Variants in R3HDM2 observed in about 807,000 individuals in gnomAD.
The protein encoded by R3HDM2 is R3H domain containing 2.
In R3HDM2, 38 loss-of-function variants were observed where a neutral mutation model predicts 124.5. The ratio of observed to expected loss-of-function variants is 0.31; its 90% CI spans 0.24 to 0.40. R3HDM2 has a LOEUF of 0.40. R3HDM2 is among the 10% of genes least tolerant of loss of function. The pLI is 1.00. For synonymous variants in R3HDM2, 391 were observed against 448.0 expected, an observed-to-expected ratio of 0.87 and a Z score of 1.61; for missense variants, 869 against 1,236.9, an observed-to-expected ratio of 0.70 and a Z score of 4.46.
At chr12:57,427,500 C>T (rs545784449) in intron 1 of R3HDM2, among the ~76,000 whole-genome samples, 32 of 150,536 alleles carry the variant, frequency 2.1e-4, no homozygotes, top group South Asian at 1.1e-3. Context: ...CAGGCGTGTA[C>T]CACCACACCC....
chr12:57,280,210 A>T, intron 14 of R3HDM2, 148 bp downstream of exon 14: 1 of 905,028 alleles, frequency 1.1e-6, no homozygotes, highest in Non-Finnish European at 1.6e-6. Context: ...TTCTTTCCCT[A>T]CAACTAACAA....
intron 21 of R3HDM2, 131 bp from the exon 22 acceptor site, chr12:57,256,642 C>A: frequency 1.6e-6 from 1 of 638,034 alleles, no homozygotes; most frequent in East Asian, 3.0e-5. Context: ...AATGCCCATG[C>A]GACTGGTATA....
intron 2 of R3HDM2, among the ~76,000 whole-genome samples, chr12:57,383,059 T>C (rs1445149411): frequency 1.3e-5 from 2 of 151,866 alleles, no homozygotes; most frequent in African/African-American, 4.8e-5. Flanking sequence ...AATTTTTGTA[T>C]TTTTAGTAAA....
At chr12:57,364,137 CG>C (rs1349389414) in intron 2 of R3HDM2, among the ~76,000 whole-genome samples, 1 of 130,652 alleles carries the variant, frequency 7.7e-6, no homozygotes, top group African/African-American at 2.8e-5. Context: ...AGCACAGACT[CG>C]GTGTCTTTTT....
chr12:57,397,887 A>C (rs2067706839), intron 1 of R3HDM2, among the ~76,000 whole-genome samples: 4 of 152,346 alleles, frequency 2.6e-5, no homozygotes, highest in African/African-American at 7.2e-5. Context: ...TCATAATTAA[A>C]AGTGAAATAC....
chr12:57,297,402 T>G lies in R3HDM2; in HGVS notation c.501-15A>C. 1 of 1,495,604 alleles carries G rather than the reference T, an allele frequency of 6.7e-7. No homozygotes were observed. Among genetic ancestry groups the G allele is most frequent in the Non-Finnish European group, 9.1e-7 (1 of 1,103,188 alleles). 92.6% of individuals were successfully genotyped at this position (1,495,604 alleles called of 1,614,324 possible). On this transcript the variant is annotated splice_polypyrimidine_tract_variant and intron_variant, in intron 7 of 23. Transcript: ENST00000402412. ...TCATTCTGTCCCTGTTTAAAAAAGA[T>G]TAAAACAAAACAAAACAAAACAAAA...
intron 3 of R3HDM2, chr12:57,305,686 A>G: frequency 2.5e-6 from 1 of 398,978 alleles, no homozygotes; most frequent in Non-Finnish European, 4.4e-6. Context: ...ACAGACAGAC[A>G]ATTACAATAC....
Position 57,296,577 on chromosome 12 carries a change from G to A in R3HDM2, c.561-26C>T. 1 of 1,544,328 alleles carries A rather than the reference G, an allele frequency of 6.5e-7. No individual in the cohort carries two copies. Among genetic ancestry groups the A allele is most frequent in the Non-Finnish European group, 8.8e-7 (1 of 1,142,316 alleles). On this transcript the variant is annotated intron_variant, in intron 8 of 23. Transcript: ENST00000402412. The surrounding 1 kb of genome is among the most constrained non-coding windows in gnomAD (Gnocchi z 4.5). ...CTGAAGGGAAACCCGGGGAAAAAAA[G>A]TGAAATAAGACAAACAACTGCAATA...
At chr12:57,360,048 T>G (rs1350651775) in intron 2 of R3HDM2, among the ~76,000 whole-genome samples, 2 of 59,272 alleles carry the variant, frequency 3.4e-5, no homozygotes, top group African/African-American at 1.5e-4. Context: ...TATATATATA[T>G]TTTTTTTTTT....
At chr12:57,350,030 T>C (rs973690334) in intron 2 of R3HDM2, among the ~76,000 whole-genome samples, 4 of 151,990 alleles carry the variant, frequency 2.6e-5, no homozygotes, top group Admixed American at 6.6e-5. Flanking sequence ...CTGGCCATGG[T>C]GAAATCCCAT....
intron 1 of R3HDM2, among the ~76,000 whole-genome samples, chr12:57,430,089 T>A (rs1414427904): frequency 1.3e-5 from 2 of 152,220 alleles, no homozygotes; most frequent in Admixed American, 1.3e-4. Flanking sequence ...TGTTATTCGG[T>A]CATTTCTCAT....
rs182196642 is a variant in R3HDM2 at position 57,254,721 on chromosome 12, C to T, written c.*52G>A. 7.1e-7 allele frequency: 1 copy of T among 1,416,382 alleles called. No individual in the cohort carries two copies. The highest frequency in any genetic ancestry group is 1.4e-5 in the African/African-American group (1 of 69,582). 87.7% of individuals were successfully genotyped at this position (1,416,382 alleles called of 1,614,324 possible). A position where few individuals can be genotyped will look rare whatever the true frequency, so the allele number is the denominator to read the frequency against. On this transcript the variant is annotated 3_prime_UTR_variant, in exon 24 of 24. Transcript: ENST00000402412. Reference sequence around the variant, plus strand: ...CATGGTCTGTCAGGATCCTTCAACCCCCTCCACCCTGCCCTTGCTCCTTCT... The same window carrying T: ...CATGGTCTGTCAGGATCCTTCAACCTCCTCCACCCTGCCCTTGCTCCTTCT...
intron 2 of R3HDM2, among the ~76,000 whole-genome samples, chr12:57,378,481 G>A (rs1013202606): frequency 6.6e-6 from 1 of 152,054 alleles, no homozygotes; most frequent in Non-Finnish European, 1.5e-5. Context: ...AGGCTCAAGT[G>A]ATCCTCCCAC....
Position 57,389,810 on chromosome 12 carries a change from C to T in R3HDM2, c.-36+5939G>A, listed in dbSNP as rs984912830. Among the ~76,000 whole-genome samples the T allele has an allele frequency of 2.0e-5, 3 of 152,172 alleles. No homozygotes were observed. The South Asian group carries it at 6.2e-4, about 32-fold the overall frequency. On this transcript the variant is annotated intron_variant, in intron 2 of 23. Coordinates refer to ENST00000402412, the MANE Select transcript of R3HDM2 (RefSeq NM_001394031.1). ...AATTCAGCATTATATCCAAAAAGAA[C>T]CCTGAACAAGAAAGGATATATTATC...
intron 2 of R3HDM2, among the ~76,000 whole-genome samples, chr12:57,356,600 T>A (rs1248349658): frequency 6.6e-6 from 1 of 152,236 alleles, no homozygotes; most frequent in Non-Finnish European, 1.5e-5. Context: ...GCTCATAATA[T>A]GAGTTGGGAA....
At chr12:57,354,848 AGGGTCT>A (rs2061083085) in intron 2 of R3HDM2, among the ~76,000 whole-genome samples, 1 of 152,016 alleles carries the variant, frequency 6.6e-6, no homozygotes, top group South Asian at 2.1e-4. Context: ...TTTTCGAGAC[AGGGTCT>A]TGCTCTATTT....
intron 22 of R3HDM2, 144 bp downstream of exon 22, chr12:57,256,270 T>A (rs1412482736): frequency 1.1e-6 from 1 of 872,970 alleles, no homozygotes; most frequent in Non-Finnish European, 1.8e-6. Flanking sequence ...GTGGGAGACA[T>A]GAGTATAGGA....
intron 3 of R3HDM2, among the ~76,000 whole-genome samples, chr12:57,308,772 T>A (rs2053303251): frequency 1.3e-5 from 2 of 152,240 alleles, no homozygotes; most frequent in South Asian, 4.1e-4. Context: ...ACACCATTTA[T>A]AATTATCTCC....
At chr12:57,380,551 C>T (rs1317930513) in intron 2 of R3HDM2, among the ~76,000 whole-genome samples, 1 of 152,128 alleles carries the variant, frequency 6.6e-6, no homozygotes, top group Admixed American at 6.6e-5. Context: ...GGTACTTATT[C>T]AAAGACACAA....
Sources: gnomAD v4.1 joint callset for allele counts (sites outside exome capture counted in the v4.1 genomes callset) on GRCh38, gnomAD v4.1.1 for gene constraint, Gnocchi (gnomAD v3.1) non-coding constraint, MANE v1.5 for transcripts, NCBI Gene and HGNC (gene_info 2026-07-23, HGNC 2026-07-21) for gene names.